Variants in TRIM44 observed in about 807,000 individuals in gnomAD.
The protein encoded by TRIM44 is tripartite motif containing 44, also known as tripartite motif-containing protein 44.
A neutral mutation model predicts 37.4 loss-of-function variants in TRIM44; 13 were observed. That is an observed-to-expected ratio of 0.35 (90% CI 0.23 to 0.55). The LOEUF (loss-of-function observed/expected upper bound fraction) is 0.55, where lower values mean the gene tolerates loss of function less well. TRIM44 is among the 20% of genes least tolerant of loss of function. TRIM44 has a pLI of 0.89. For synonymous variants in TRIM44, 175 were observed against 157.2 expected (o/e 1.11, Z -0.85); for missense variants, 426 against 437.2 (o/e 0.97, Z 0.23).
chr11:35,801,712 G>A (rs997943522), intron 4 of TRIM44, among the ~76,000 whole-genome samples: 2 of 152,108 alleles, frequency 1.3e-5, no homozygotes, highest in Non-Finnish European at 2.9e-5. Context: ...CAGACAGTAA[G>A]CCCAACTCAG....
chr11:35,741,279 G>A (rs1852394030), intron 4 of TRIM44, among the ~76,000 whole-genome samples: 1 of 152,100 alleles, frequency 6.6e-6, no homozygotes, highest in South Asian at 2.1e-4. Flanking sequence ...TCCATGCTAA[G>A]GATTGTTTAT....
chr11:35,714,515 C>T (rs956409577), intron 2 of TRIM44, among the ~76,000 whole-genome samples: 1 of 152,098 alleles, frequency 6.6e-6, no homozygotes, highest in Non-Finnish European at 1.5e-5. Flanking sequence ...ATGAGAGCTA[C>T]GTCTCAGTGC....
chr11:35,724,332 G>A (rs1245057819), intron 2 of TRIM44: 1 of 152,190 alleles, frequency 6.6e-6, no homozygotes, highest in African/African-American at 2.4e-5. Context: ...GCACCAGACT[G>A]AGAACAAGAA....
chr11:35,749,699 G>A (rs1193978447), intron 4 of TRIM44, among the ~76,000 whole-genome samples: 6 of 152,158 alleles, frequency 3.9e-5, no homozygotes, highest in Non-Finnish European at 7.3e-5. Context: ...AACAAACAGA[G>A]CAGTAGAGGT....
intron 1 of TRIM44, among the ~76,000 whole-genome samples, chr11:35,680,108 G>C (rs1186886775): frequency 6.6e-6 from 1 of 152,140 alleles, no homozygotes; most frequent in Non-Finnish European, 1.5e-5. Context: ...TCTTGAATCT[G>C]CTGGTCCATA....
chr11:35,744,549 T>C (rs984700858), intron 4 of TRIM44, among the ~76,000 whole-genome samples: 5 of 146,888 alleles, frequency 3.4e-5, no homozygotes, highest in African/African-American at 9.9e-5. Flanking sequence ...GGGCACCCTG[T>C]TTTTTTTTTT....
chr11:35,776,387 G>A (rs1203193867), intron 4 of TRIM44, among the ~76,000 whole-genome samples: 2 of 152,020 alleles, frequency 1.3e-5, no homozygotes, highest in Admixed American at 1.3e-4. Context: ...TATCAATTTT[G>A]TTGATGTTTT....
intron 1 of TRIM44, among the ~76,000 whole-genome samples, chr11:35,678,295 T>A (rs1320520476): frequency 6.6e-6 from 1 of 152,128 alleles, no homozygotes; most frequent in Admixed American, 6.5e-5. Flanking sequence ...AGGTTGGGAA[T>A]AGTGGACAAT....
At chr11:35,781,209 G>A (rs1271090846) in intron 4 of TRIM44, among the ~76,000 whole-genome samples, 1 of 152,094 alleles carries the variant, frequency 6.6e-6, no homozygotes, top group African/African-American at 2.4e-5. Flanking sequence ...AAGGAGCAGG[G>A]AGTTCAGACC....
intron 4 of TRIM44, among the ~76,000 whole-genome samples, chr11:35,754,873 A>G (rs1852611894): frequency 6.6e-6 from 1 of 152,080 alleles, no homozygotes; most frequent in Admixed American, 6.5e-5. Flanking sequence ...CATGGTGTAT[A>G]TGTGCCACAT....
chr11:35,790,031 T>C (rs920253154), intron 4 of TRIM44, among the ~76,000 whole-genome samples: 5 of 152,172 alleles, frequency 3.3e-5, no homozygotes, highest in Non-Finnish European at 7.4e-5. Flanking sequence ...CTGGAAAAAC[T>C]GGGAGGAGGG....
intron 1 of TRIM44, among the ~76,000 whole-genome samples, chr11:35,673,472 A>G (rs1851423639): frequency 6.6e-6 from 1 of 152,226 alleles, no homozygotes; most frequent in Admixed American, 6.5e-5. Context: ...TGTTGTTAGC[A>G]TAGATGAAAA....
chr11:35,717,839 T>A (rs536523476), intron 2 of TRIM44, among the ~76,000 whole-genome samples: 6 of 152,176 alleles, frequency 3.9e-5, no homozygotes, highest in South Asian at 4.1e-4. Flanking sequence ...ATTTTTTTTT[T>A]TTATTATAAA....
chr11:35,755,690 A>G (rs970237302), intron 4 of TRIM44, among the ~76,000 whole-genome samples: 3 of 152,166 alleles, frequency 2.0e-5, no homozygotes, highest in Admixed American at 6.5e-5. Context: ...TATAAGGTGT[A>G]AGGAAGGGAT....
Position 35,816,894 on chromosome 11 carries a change from T to C in TRIM44, c.*10509T>C, listed in dbSNP as rs1041029128. 3 of 152,230 alleles carry C rather than the reference T, an allele frequency of 2.0e-5. No individual in the cohort carries two copies. Among genetic ancestry groups the C allele is most frequent in the African/African-American group, 7.2e-5 (3 of 41,444 alleles). 9.4% of individuals were successfully genotyped at this position (152,230 alleles called of 1,614,324 possible). A position where few individuals can be genotyped will look rare whatever the true frequency, so the allele number is the denominator to read the frequency against. ...GATGGAGCCACCTTCATGTTGCCCC[T>C]CACTGAGCTGCTCTGCTCACCTCTA... On this transcript the variant is annotated 3_prime_UTR_variant, in exon 5 of 5. Coordinates refer to ENST00000299413, the MANE Select transcript of TRIM44 (RefSeq NM_017583.6).
At chr11:35,710,008 C>T (rs1189956630) in intron 2 of TRIM44, among the ~76,000 whole-genome samples, 1 of 152,152 alleles carries the variant, frequency 6.6e-6, no homozygotes, top group Non-Finnish European at 1.5e-5. Context: ...GGTACAGAAA[C>T]AGCTGGATTC....
At chr11:35,738,032 C>T (rs1255174041) in intron 4 of TRIM44, among the ~76,000 whole-genome samples, 3 of 152,114 alleles carry the variant, frequency 2.0e-5, no homozygotes, top group Admixed American at 6.5e-5. Flanking sequence ...TTAGCTCTAG[C>T]TCCTTAAAAT....
intron 2 of TRIM44, among the ~76,000 whole-genome samples, chr11:35,696,853 A>G (rs890929528): frequency 1.2e-4 from 18 of 152,038 alleles, no homozygotes; most frequent in Non-Finnish European, 2.1e-4. Context: ...GTCCAAAAAA[A>G]AAAACAACAA....
chr11:35,667,135 TAA>T (rs141076595), intron 1 of TRIM44, among the ~76,000 whole-genome samples: 1 of 152,178 alleles, frequency 6.6e-6, no homozygotes, highest in South Asian at 2.1e-4. Context: ...TTTATCAGTT[TAA>T]AAAAATTCTA....
Sources: gnomAD v4.1 joint callset for allele counts (sites outside exome capture counted in the v4.1 genomes callset) on GRCh38, gnomAD v4.1.1 for gene constraint, MANE v1.5 for transcripts, NCBI Gene and HGNC (gene_info 2026-07-23, HGNC 2026-07-21) for gene names.